The following ITGB3 variants were observed in gnomAD, a reference collection of about 807,000 sequenced individuals.
ITGB3 encodes integrin beta-3.
In ITGB3, 48 loss-of-function variants were observed where a neutral mutation model predicts 85.8. That is an observed-to-expected ratio of 0.56 (90% CI 0.44 to 0.71). ITGB3 has a LOEUF of 0.71. Ranked by LOEUF, ITGB3 falls within the 30% of genes least tolerant of loss-of-function variation. The probability of loss-of-function intolerance (pLI) is 0.00; values close to 1 mark genes in which losing one functional copy is unlikely to be tolerated. For missense variants in ITGB3, 861 were observed against 1,019.1 expected, an observed-to-expected ratio of 0.84 and a Z score of 2.11; for synonymous variants, 363 against 395.6, an observed-to-expected ratio of 0.92 and a Z score of 0.98.
chr17:47,262,928 A>G (rs2065013401), intron 1 of ITGB3, among the ~76,000 whole-genome samples: 1 of 152,284 alleles, frequency 6.6e-6, no homozygotes, highest in South Asian at 2.1e-4. Context: ...GCACTGGGGA[A>G]AGGAAGCAGC....
intron 14 of ITGB3, among the ~76,000 whole-genome samples, chr17:47,309,093 G>T (rs546476578): frequency 6.7e-6 from 1 of 149,780 alleles, no homozygotes; most frequent in Non-Finnish European, 1.5e-5. Context: ...TGTCACCCAT[G>T]CTGGAGTGCA....
chr17:47,302,877 G>C (rs990227758), intron 13 of ITGB3, 37 bp downstream of exon 13: 1 of 1,612,372 alleles, frequency 6.2e-7, no homozygotes, highest in Non-Finnish European at 8.5e-7. Flanking sequence ...CCTGCCCCAG[G>C]AGGGAGAGGG....
At chr17:47,281,324 C>T (rs1316640064) in intron 2 of ITGB3, among the ~76,000 whole-genome samples, 1 of 152,182 alleles carries the variant, frequency 6.6e-6, no homozygotes, top group East Asian at 1.9e-4. Flanking sequence ...AGGGGTTTTC[C>T]AGCTTCCTGG....
rs1377573810 is a variant in ITGB3 at position 47,253,832 on chromosome 17, G to A, written c.-30G>A. Reference sequence around the variant, plus strand: ...CGCGGGCGGCGGCGCCCACTGTGGGGCGGGCGGAGCGCCGCGGGAGGCGGA... The same window carrying A: ...CGCGGGCGGCGGCGCCCACTGTGGGACGGGCGGAGCGCCGCGGGAGGCGGA... On this transcript the variant is annotated 5_prime_UTR_variant, in exon 1 of 15. Transcript: ENST00000559488. The A allele has an allele frequency of 4.2e-6, 5 of 1,184,752 alleles. No individual in the cohort carries two copies. Among genetic ancestry groups the A allele is most frequent in the Non-Finnish European group, 5.2e-6 (5 of 953,860 alleles). 73.4% of individuals were successfully genotyped at this position (1,184,752 alleles called of 1,614,324 possible). A position where few individuals can be genotyped will look rare whatever the true frequency, so the allele number is the denominator to read the frequency against.
intron 1 of ITGB3, among the ~76,000 whole-genome samples, chr17:47,258,454 T>C (rs979238341): frequency 1.3e-5 from 2 of 151,966 alleles, no homozygotes; most frequent in African/African-American, 4.8e-5. Context: ...TTTTGTTAGA[T>C]AATTCAGGTA....
At chr17:47,302,540 G>A (rs116484218) in intron 12 of ITGB3, among the ~76,000 whole-genome samples, 181 bp from the exon 13 acceptor site, 1 of 152,312 alleles carries the variant, frequency 6.6e-6, no homozygotes, top group African/African-American at 2.4e-5. Context: ...AAATACATCA[G>A]TGAGTGTCAG....
chr17:47,256,209 T>C (rs1305415073), intron 1 of ITGB3, among the ~76,000 whole-genome samples: 2 of 152,140 alleles, frequency 1.3e-5, no homozygotes, highest in East Asian at 3.9e-4. Flanking sequence ...CTCACGCCTG[T>C]AATCCCAGCA....
intron 13 of ITGB3, among the ~76,000 whole-genome samples, 162 bp from the exon 14 acceptor site, chr17:47,307,309 T>C (rs1292870972): frequency 3.9e-5 from 6 of 152,218 alleles, no homozygotes; most frequent in Non-Finnish European, 2.9e-5. Context: ...GTGCAGATTA[T>C]TGCTGTCCTA....
At position 47,299,239 on chromosome 17, in the gene ITGB3, G is replaced by T; in HGVS notation, c.1691-69G>T. The T allele has an allele frequency of 1.4e-6, 2 of 1,436,856 alleles. No individual in the cohort carries two copies. The highest frequency in any genetic ancestry group is 1.1e-5 in the South Asian group (1 of 87,332). 89.0% of individuals were successfully genotyped at this position (1,436,856 alleles called of 1,614,324 possible). A position where few individuals can be genotyped will look rare whatever the true frequency, so the allele number is the denominator to read the frequency against. Reference sequence around the variant, plus strand: ...GTGGTTGGGAGAGCAGGATGGTCGTGTGTAGCCTGCTGCCATGGGAGTGGA... The same window carrying T: ...GTGGTTGGGAGAGCAGGATGGTCGTTTGTAGCCTGCTGCCATGGGAGTGGA... On this transcript the variant is annotated intron_variant, in intron 10 of 14. Coordinates refer to ENST00000559488, the MANE Select transcript of ITGB3 (RefSeq NM_000212.3). This position sits in a 1 kb window ranked among gnomAD's most constrained non-coding sequence, Gnocchi z 5.1.
At chr17:47,262,688 T>C (rs191580065) in intron 1 of ITGB3, among the ~76,000 whole-genome samples, 3 of 152,294 alleles carry the variant, frequency 2.0e-5, no homozygotes, top group Admixed American at 2.0e-4. Context: ...TGGTTGGGTC[T>C]CTCCCTGGGG....
Position 47,286,454 on chromosome 17 carries a change from G to T in ITGB3, c.777+32G>T, listed in dbSNP as rs749977286. On this transcript the variant is annotated intron_variant, in intron 5 of 14. Transcript: ENST00000559488. The stretch of plus-strand genomic sequence containing the variant: ...TTGGAGGACTTGGAGTGCCAGGTGT[G>T]GCTGGCATAGATCAAAATGGGAAAG... 3.1e-6 allele frequency: 5 copies of T among 1,612,172 alleles called. No individual in the cohort carries two copies. In the East Asian group the frequency reaches 1.1e-4, roughly 36 times the overall value.
intron 13 of ITGB3, chr17:47,305,783 C>T (rs2065185576): frequency 6.6e-6 from 1 of 152,158 alleles, no homozygotes; most frequent in South Asian, 2.1e-4. Flanking sequence ...ATAACAGACA[C>T]AAATACTTAC....
At position 47,283,485 on chromosome 17, in the gene ITGB3, C is replaced by T. The variant is rs2065091360; in HGVS notation, c.297C>T (p.Gly99=). The change falls in exon 3 of 15, where the codon GGC becomes GGT. Residue 99 remains glycine (G), a synonymous_variant. Coordinates refer to ENST00000559488, the MANE Select transcript of ITGB3 (RefSeq NM_000212.3). ...AGGACAGGCCCCTCAGCGACAAGGGCTCTGGAGACAGCTCCCAGGTCACTC... is the reference window on the plus strand; with the variant it reads ...AGGACAGGCCCCTCAGCGACAAGGGTTCTGGAGACAGCTCCCAGGTCACTC... The part of the protein sequence containing the change: ...VLEDRPLSDK[G]SGDSSQVTQV... 5 of 1,614,100 alleles carry T rather than the reference C, an allele frequency of 3.1e-6. No individual in the cohort carries two copies. In the African/African-American group the frequency reaches 5.3e-5, roughly 17 times the overall value.
At chr17:47,298,683 C>T (rs2065154847) in intron 10 of ITGB3, among the ~76,000 whole-genome samples, 1 of 152,186 alleles carries the variant, frequency 6.6e-6, no homozygotes, top group African/African-American at 2.4e-5. Flanking sequence ...GTTAGTGGGA[C>T]GGGACCAGCT....
In ITGB3 at chr17:47,312,794, GC is replaced by G. The variant is rs2065220757; in HGVS notation, c.*2591del. Among the ~76,000 whole-genome samples the G allele has an allele frequency of 6.6e-6, 1 of 152,174 alleles. No individual in the cohort carries two copies. Among genetic ancestry groups the G allele is most frequent in the African/African-American group, 2.4e-5 (1 of 41,442 alleles). The stretch of plus-strand genomic sequence containing the variant: ...GCAGTTTTGGCCTGTGGGGTGAACA[GC>G]TAAACAGTGTTCTGGCATCAGATAA... On this transcript the variant is annotated 3_prime_UTR_variant, in exon 15 of 15. Transcript: ENST00000559488.
intron 10 of ITGB3, among the ~76,000 whole-genome samples, chr17:47,298,811 GGA>G (rs1232158416): frequency 6.6e-6 from 1 of 152,198 alleles, no homozygotes; most frequent in African/African-American, 2.4e-5. Context: ...CAGGTCAAAG[GGA>G]GAGAGTTTTG....
chr17:47,286,403 T>C lies in ITGB3; in HGVS notation c.758T>C (p.Met253Thr). Residue 253 changes from methionine (M) to threonine (T), a missense_variant, in exon 5 of 15, where the codon ATG becomes ACG. Physicochemically the swap from Met to Thr is moderately conservative, Grantham distance 81. Transcript: ENST00000559488. ...CCAGAGGGTGGCTTTGATGCCATCATGCAGGCTACAGTCTGTGATGTGAGT... is the reference window on the plus strand; with the variant it reads ...CCAGAGGGTGGCTTTGATGCCATCACGCAGGCTACAGTCTGTGATGTGAGT... ...DAPEGGFDAI[M>T]QATVCDEKIG... is the part of the protein sequence containing the mutation. 6.2e-7 allele frequency: 1 copy of C among 1,614,160 alleles called. No individual in the cohort carries two copies. Among genetic ancestry groups the C allele is most frequent in the Non-Finnish European group, 8.5e-7 (1 of 1,180,036 alleles).
chr17:47,306,376 A>G (rs1418881214), intron 13 of ITGB3, among the ~76,000 whole-genome samples: 1 of 152,068 alleles, frequency 6.6e-6, no homozygotes, highest in Non-Finnish European at 1.5e-5. Flanking sequence ...CCAGGCTCAA[A>G]CGATCCTCCC....
Position 47,293,058 on chromosome 17 carries a change from C to G in ITGB3, c.1690+490C>G, listed in dbSNP as rs115051807. Among the ~76,000 whole-genome samples the G allele has an allele frequency of 9.2e-3, 1,398 of 152,230 alleles. 23 individuals carry two copies. Among genetic ancestry groups the G allele is most frequent in the African/African-American group, 0.032 (1,333 of 41,536 alleles). ...GCCACATGTGGCTATTTAAATTAACCAAAATTGAAAAATTAAAAATTCAGT... is the reference window on the plus strand; with the variant it reads ...GCCACATGTGGCTATTTAAATTAACGAAAATTGAAAAATTAAAAATTCAGT... On this transcript the variant is annotated intron_variant, in intron 10 of 14. Transcript: ENST00000559488.
Sources: gnomAD v4.1 joint callset for allele counts (sites outside exome capture counted in the v4.1 genomes callset) on GRCh38, gnomAD v4.1.1 for gene constraint, Gnocchi (gnomAD v3.1) non-coding constraint, MANE v1.5 for transcripts, NCBI Gene and HGNC (gene_info 2026-07-23, HGNC 2026-07-21) for gene names.